Variants in METAP1D observed in about 807,000 individuals in gnomAD.
METAP1D encodes the protein methionine aminopeptidase 1D, mitochondrial.
In METAP1D, 31 loss-of-function variants were observed where a neutral mutation model predicts 40.5. That is an observed-to-expected ratio of 0.77 (90% CI 0.58 to 1.03). METAP1D has a LOEUF of 1.03. Ranked by LOEUF, METAP1D falls within the 50% of genes least tolerant of loss-of-function variation. The pLI is 0.00. For missense variants in METAP1D, 411 were observed against 420.7 expected, an observed-to-expected ratio of 0.98 and a Z score of 0.20; for synonymous variants, 151 against 146.4, an observed-to-expected ratio of 1.03 and a Z score of -0.22.
chr2:172,048,088 T>C (rs1027313580), intron 1 of METAP1D, among the ~76,000 whole-genome samples: 3 of 152,178 alleles, frequency 2.0e-5, no homozygotes, highest in African/African-American at 4.8e-5. Flanking sequence ...CTGTCCAGTT[T>C]GTAAAGTGTT....
At chr2:172,041,123 G>A (rs1157359265) in intron 1 of METAP1D, among the ~76,000 whole-genome samples, 1 of 151,796 alleles carries the variant, frequency 6.6e-6, no homozygotes, top group Non-Finnish European at 1.5e-5. Context: ...GGAGTCTGAG[G>A]CCCCCCAAAA....
At chr2:172,035,540 A>G (rs1689358391) in intron 1 of METAP1D, among the ~76,000 whole-genome samples, 1 of 152,074 alleles carries the variant, frequency 6.6e-6, no homozygotes, top group Admixed American at 6.6e-5. Flanking sequence ...TCCCAGTCCA[A>G]ATCTCTTTCA....
At chr2:172,039,340 G>A (rs77269059) in intron 1 of METAP1D, among the ~76,000 whole-genome samples, 3,397 of 152,284 alleles carry the variant, frequency 0.022, 65 homozygotes, top group Non-Finnish European at 0.037. Flanking sequence ...GTGCTCTAGT[G>A]CACTTCAGGA....
chr2:172,026,293 C>T (rs1689119616), intron 1 of METAP1D, among the ~76,000 whole-genome samples: 1 of 152,022 alleles, frequency 6.6e-6, no homozygotes, highest in Non-Finnish European at 1.5e-5. Context: ...CTCCTGTTTC[C>T]TGCAAATTGG....
chr2:172,063,986 ATTAAT>A (rs1033873597), intron 3 of METAP1D, 126 bp downstream of exon 3: 9 of 1,208,500 alleles, frequency 7.4e-6, no homozygotes, highest in Non-Finnish European at 9.6e-6. Context: ...TTTGTTTTAA[ATTAAT>A]TTGTTTTTAA....
chr2:172,057,251 T>C (rs1216506042), intron 1 of METAP1D, among the ~76,000 whole-genome samples: 1 of 152,256 alleles, frequency 6.6e-6, no homozygotes, highest in African/African-American at 2.4e-5. Context: ...GCACTGAGCT[T>C]AATCTAAGTG....
chr2:172,061,690 G>A, intron 2 of METAP1D, 35 bp downstream of exon 2: 1 of 1,531,688 alleles, frequency 6.5e-7, no homozygotes, highest in Non-Finnish European at 8.8e-7. Flanking sequence ...GCTTTTTCCA[G>A]CCAAGATAAA....
intron 1 of METAP1D, among the ~76,000 whole-genome samples, chr2:172,010,195 C>CA (rs1688678988): frequency 6.7e-6 from 1 of 149,054 alleles, no homozygotes; most frequent in East Asian, 2.0e-4. Flanking sequence ...GGCTGGAGTG[C>CA]AGTGGCGCAA....
intron 6 of METAP1D, among the ~76,000 whole-genome samples, chr2:172,071,976 A>C (rs56091337): frequency 2.0e-5 from 3 of 152,182 alleles, no homozygotes; most frequent in Non-Finnish European, 4.4e-5. Flanking sequence ...TTATGGCTTT[A>C]AAAATATTGT....
At chr2:172,008,765 G>A (rs774345170) in intron 1 of METAP1D, among the ~76,000 whole-genome samples, 1 of 151,980 alleles carries the variant, frequency 6.6e-6, no homozygotes, top group Non-Finnish European at 1.5e-5. Context: ...AAATGCTTAC[G>A]TGATGAAGTG....
intron 1 of METAP1D, among the ~76,000 whole-genome samples, chr2:172,033,928 T>G (rs1339038729): frequency 6.6e-6 from 1 of 151,460 alleles, no homozygotes; most frequent in Non-Finnish European, 1.5e-5. Context: ...ATACAAAACA[T>G]TAGCTGGCAG....
chr2:172,057,397 A>G (rs1233881230), intron 1 of METAP1D, among the ~76,000 whole-genome samples: 2 of 152,120 alleles, frequency 1.3e-5, no homozygotes, highest in South Asian at 2.1e-4. Context: ...TAGCAATGCA[A>G]TTAGGGAGGT....
chr2:172,034,412 T>G (rs1689322557), intron 1 of METAP1D, among the ~76,000 whole-genome samples: 1 of 151,906 alleles, frequency 6.6e-6, no homozygotes, highest in Non-Finnish European at 1.5e-5. Context: ...TTTTTGTGTG[T>G]GTGTGTGTGT....
At chr2:172,042,305 A>G (rs778409562) in intron 1 of METAP1D, among the ~76,000 whole-genome samples, 10 of 21,926 alleles carry the variant, frequency 4.6e-4, no homozygotes, top group South Asian at 1.2e-3. Context: ...ATGTGTACAT[A>G]TATACATATA....
intron 7 of METAP1D, 37 bp downstream of exon 7, chr2:172,077,931 A>T: frequency 8.5e-7 from 1 of 1,172,658 alleles, no homozygotes; most frequent in Non-Finnish European, 1.3e-6. Flanking sequence ...TCTTGATCAG[A>T]GATCAAGATG....
At chr2:172,041,623 C>T (rs1158196995) in intron 1 of METAP1D, among the ~76,000 whole-genome samples, 1 of 122,148 alleles carries the variant, frequency 8.2e-6, no homozygotes, top group African/African-American at 2.7e-5. Context: ...TTGCCCCCAA[C>T]TCAAGCCAGA....
intron 1 of METAP1D, among the ~76,000 whole-genome samples, chr2:172,025,421 A>G (rs1689101208): frequency 6.6e-6 from 1 of 152,068 alleles, no homozygotes; most frequent in Non-Finnish European, 1.5e-5. Flanking sequence ...CTTAACCTCC[A>G]GGGCTCAATC....
chr2:172,064,040 ATTATT>A, intron 3 of METAP1D, 180 bp downstream of exon 3: 1 of 705,798 alleles, frequency 1.4e-6, no homozygotes, highest in Non-Finnish European at 2.0e-6. Flanking sequence ...AAGGAATTTT[ATTATT>A]TTATGTGTTT....
intron 1 of METAP1D, among the ~76,000 whole-genome samples, chr2:172,054,874 C>A (rs1001699098): frequency 6.6e-6 from 1 of 152,092 alleles, no homozygotes; most frequent in African/African-American, 2.4e-5. Flanking sequence ...AAAAATAATT[C>A]TTATTATTAC....
Sources: gnomAD v4.1 joint callset for allele counts (sites outside exome capture counted in the v4.1 genomes callset) on GRCh38, gnomAD v4.1.1 for gene constraint, MANE v1.5 for transcripts, NCBI Gene and HGNC (gene_info 2026-07-23, HGNC 2026-07-21) for gene names.